SETD9: variants seen among roughly 807,000 people sequenced by gnomAD.
SETD9 encodes SET domain containing 9.
SETD9 carries 37 observed loss-of-function variants against 36.4 expected under a neutral mutation model. The ratio of observed to expected loss-of-function variants is 1.02; its 90% confidence interval spans 0.78 to 1.34. SETD9 has a LOEUF of 1.34. SETD9 is among the 40% of genes most tolerant of loss of function. The probability of loss-of-function intolerance (pLI) is 0.00; values close to 1 mark genes in which losing one functional copy is unlikely to be tolerated. For synonymous variants in SETD9, 128 were observed against 132.9 expected (o/e 0.96, Z 0.26); for missense variants, 323 against 353.2 (o/e 0.91, Z 0.69).
chr5:56,926,481 A>C (rs1257023132), downstream of SETD9, among the ~76,000 whole-genome samples: 7 of 152,160 alleles, frequency 4.6e-5, no homozygotes, highest in Non-Finnish European at 1.5e-5. Context: ...AATAAGCATA[A>C]GAAAAGATGG....
At chr5:56,924,105 C>G (rs1208750028) in intron 5 of SETD9, 24 of 1,539,966 alleles carry the variant, frequency 1.6e-5, no homozygotes, top group Non-Finnish European at 1.9e-5. Flanking sequence ...AGCAACTTTT[C>G]TTTTCCACAA....
chr5:56,918,514 TC>T (rs1425927064), downstream of SETD9, among the ~76,000 whole-genome samples: 1 of 152,228 alleles, frequency 6.6e-6, no homozygotes, highest in Non-Finnish European at 1.5e-5. Context: ...TACTAGATTA[TC>T]CTGCTTCCAC....
intron 2 of SETD9, among the ~76,000 whole-genome samples, chr5:56,911,914 A>C (rs1749150778): frequency 1.3e-5 from 2 of 152,174 alleles, no homozygotes; most frequent in South Asian, 2.1e-4. Flanking sequence ...TAATCCCAGC[A>C]CTTTGGGAGG....
Position 56,911,332 on chromosome 5 carries a change from G to T in SETD9, c.262G>T (p.Asp88Tyr). The T allele has an allele frequency of 6.2e-7, 1 of 1,611,662 alleles. No individual in the cohort carries two copies. Residue 88 changes from aspartate (D) to tyrosine (Y), a missense_variant, in exon 2 of 6, where the codon GAC becomes TAC. By Grantham distance (160) the Asp-to-Tyr change is radical (BLOSUM62 -3). Transcript: ENST00000285947. ...AGAATCTGTTAAATCAAAATATCAA[G>T]ACCTACTGGCAGTTGAACATCAAGG... Reference protein sequence around the residue: ...LPESVKSKYQDLLAVEHQGVK... With the variant: ...LPESVKSKYQYLLAVEHQGVK...
At position 56,911,167 on chromosome 5, in the gene SETD9, A is replaced by C; in HGVS notation, c.99-2A>C. 2 of 1,527,396 alleles carry C rather than the reference A, an allele frequency of 1.3e-6. No individual in the cohort carries two copies. The highest frequency in any genetic ancestry group is 1.8e-6 in the Non-Finnish European group (2 of 1,142,390). The allele number at this position is 1,527,396 out of a possible 1,614,324, so 94.6% of individuals were successfully genotyped here. ...GTGAATAGAAACTTTTCCCATTTTCAGGACCCTCCGATATGTTCCAGAGGA... is the reference window on the plus strand; with the variant it reads ...GTGAATAGAAACTTTTCCCATTTTCCGGACCCTCCGATATGTTCCAGAGGA... On this transcript the variant is annotated splice_acceptor_variant, in intron 1 of 5. Transcript: ENST00000285947. LOFTEE classifies it high-confidence loss of function.
In SETD9 at chr5:56,924,090, T is replaced by C. The variant is rs772232519; in HGVS notation, c.813-1243T>C. On this transcript the variant is annotated intron_variant, in intron 5 of 5. Transcript: ENST00000628593. ...AAAAAACCAACAAACTCAACCATTT[T>C]TTTAAGCAACTTTTCTTTTCCACAA... The C allele has an allele frequency of 8.8e-6, 14 of 1,582,038 alleles. No homozygotes were observed. In the African/African-American group the frequency reaches 1.8e-4, roughly 20 times the overall value.
chr5:56,914,732 C>T (rs1197814189), intron 4 of SETD9, 129 bp from the exon 5 acceptor site: 21 of 456,668 alleles, frequency 4.6e-5, no homozygotes. Context: ...GTACCTGGAA[C>T]ATAGTAGTAA....
chr5:56,921,862 A>T (rs1017587713), downstream of SETD9: 1 of 152,638 alleles, frequency 6.6e-6, no homozygotes. Context: ...GATTCACCTT[A>T]TAACTTAAAA....
In SETD9 at chr5:56,916,945, A is replaced by C. The variant is rs775667599; in HGVS notation, c.*43A>C. 6.5e-7 allele frequency: 1 copy of C among 1,549,424 alleles called. No homozygotes were observed. Among genetic ancestry groups the C allele is most frequent in the Non-Finnish European group, 8.7e-7 (1 of 1,155,562 alleles). ...TATTAGGTTTTCTACTCAGCTATTAATTCTAAGTGTTTTTTGTTAATCACT... is the reference window on the plus strand; with the variant it reads ...TATTAGGTTTTCTACTCAGCTATTACTTCTAAGTGTTTTTTGTTAATCACT... On this transcript the variant is annotated 3_prime_UTR_variant, in exon 6 of 6. Coordinates refer to ENST00000285947, the MANE Select transcript of SETD9 (RefSeq NM_153706.4).
At chr5:56,915,716 C>A (rs1246114654) in intron 5 of SETD9, among the ~76,000 whole-genome samples, 1 of 152,166 alleles carries the variant, frequency 6.6e-6, no homozygotes, top group Non-Finnish European at 1.5e-5. Context: ...GTAATCTCAG[C>A]ACTTTGGGAG....
chr5:56,912,092 T>C, intron 2 of SETD9: 1 of 688,508 alleles, frequency 1.5e-6, no homozygotes, highest in Non-Finnish European at 1.8e-6. Flanking sequence ...GAGGCGGAGG[T>C]TGCAGTGAGC....
downstream of SETD9, chr5:56,921,043 G>T (rs1749648115): frequency 6.6e-6 from 1 of 152,458 alleles, no homozygotes; most frequent in South Asian, 2.1e-4. Context: ...CTTTAGATAA[G>T]AAACACTGTT....
intron 2 of SETD9, chr5:56,912,107 A>T (rs965641487): frequency 1.2e-6 from 1 of 856,232 alleles, no homozygotes; most frequent in Non-Finnish European, 1.4e-6. Flanking sequence ...GTGAGCCGAG[A>T]TTGTGCCATT....
At chr5:56,914,543 T>C (rs1480138352) in intron 4 of SETD9, among the ~76,000 whole-genome samples, 1 of 152,158 alleles carries the variant, frequency 6.6e-6, no homozygotes, top group Non-Finnish European at 1.5e-5. Flanking sequence ...CAATAAAACA[T>C]ACATATATGT....
upstream of SETD9, chr5:56,909,499 A>G (rs1448130736): frequency 7.1e-6 from 4 of 567,242 alleles, no homozygotes; most frequent in South Asian, 2.4e-5. Flanking sequence ...CCCCAGAGCA[A>G]CAGAAGTCAG....
At chr5:56,917,470 G>A (rs1035017027), downstream of SETD9, 5 of 324,636 alleles carry the variant, frequency 1.5e-5, no homozygotes, top group Non-Finnish European at 2.2e-5. Context: ...TGGAAAAAAA[G>A]TGCAAGATAG....
At chr5:56,917,488 G>A, downstream of SETD9, 1 of 238,862 alleles carries the variant, frequency 4.2e-6, no homozygotes, top group Non-Finnish European at 6.7e-6. Flanking sequence ...TAGTGTTGGT[G>A]GGAGGAACAC....
At position 56,909,656 on chromosome 5, in the gene SETD9, G is replaced by A. The variant is rs753143730; in HGVS notation, c.11G>A (p.Arg4His). Residue 4 changes from arginine (R) to histidine (H), a missense_variant, in exon 1 of 6, where the codon CGT becomes CAT. Transcript: ENST00000285947. ...CCCCGCGGGGCAGCCATGCCTGGCC[G>A]TCTGCTGCGGGGCCTGTGGCAGCGA... MPGRLLRGLWQRWR... is the reference protein window; with the variant it reads MPGHLLRGLWQRWR... The A allele has an allele frequency of 1.2e-6, 2 of 1,607,264 alleles. No individual in the cohort carries two copies. The highest frequency in any genetic ancestry group is 1.7e-5 in the Admixed American group (1 of 59,694).
chr5:56,918,533 T>TC (rs1749518865), downstream of SETD9, among the ~76,000 whole-genome samples: 1 of 152,252 alleles, frequency 6.6e-6, no homozygotes, highest in Non-Finnish European at 1.5e-5. Context: ...CACAGGCTTT[T>TC]CCGTCTCCTA....
Sources: gnomAD v4.1 joint callset for allele counts (sites outside exome capture counted in the v4.1 genomes callset) on GRCh38, gnomAD v4.1.1 for gene constraint, MANE v1.5 for transcripts, NCBI Gene and HGNC (gene_info 2026-07-23, HGNC 2026-07-21) for gene names.